SLCO1B3: variants seen among roughly 807,000 people sequenced by gnomAD.
SLCO1B3 encodes solute carrier organic anion transporter family member 1B3, also known as liver-specific organic anion transporter 2.
In SLCO1B3, 72 loss-of-function variants were observed where a neutral mutation model predicts 71.8. That is an observed-to-expected ratio of 1.00 (90% confidence interval 0.83 to 1.22). SLCO1B3 has a LOEUF of 1.22. Ranked by LOEUF, SLCO1B3 falls within the 50% of genes most tolerant of loss-of-function variation. The probability of loss-of-function intolerance (pLI) is 0.00; values close to 1 mark genes in which losing one functional copy is unlikely to be tolerated. For missense variants in SLCO1B3, 911 were observed against 819.7 expected, an observed-to-expected ratio of 1.11 and a Z score of -1.36; for synonymous variants, 298 against 278.4, an observed-to-expected ratio of 1.07 and a Z score of -0.70.
intron 8 of SLCO1B3, among the ~76,000 whole-genome samples, chr12:20,868,465 A>C (rs546185339): frequency 6.6e-6 from 1 of 152,106 alleles, no homozygotes; most frequent in East Asian, 1.9e-4. Context: ...TTTTATACCC[A>C]TTGACTGGGA....
chr12:20,855,097 A>C lies in SLCO1B3; in HGVS notation c.154A>C (p.Ile52Leu). Reference sequence around the variant, plus strand: ...AGGTGGAATCATTATGAAAATTTCCATCACTCAAATAGAAAGGAGATTTGA... The same window carrying C: ...AGGTGGAATCATTATGAAAATTTCCCTCACTCAAATAGAAAGGAGATTTGA... ...ALGGIIMKIS[I>L]TQIERRFDIS... Residue 52 changes from isoleucine (I) to leucine (L), a missense_variant, in exon 4 of 16, where the codon ATC becomes CTC. Coordinates refer to ENST00000381545, the MANE Select transcript of SLCO1B3 (RefSeq NM_019844.4). 6.2e-7 allele frequency: 1 copy of C among 1,612,072 alleles called. No homozygotes were observed. The highest frequency in any genetic ancestry group is 1.1e-5 in the South Asian group (1 of 90,998).
intron 4 of SLCO1B3, among the ~76,000 whole-genome samples, chr12:20,858,106 A>G (rs1016008845): frequency 2.6e-5 from 4 of 152,096 alleles, no homozygotes; most frequent in Non-Finnish European, 5.9e-5. Flanking sequence ...TAAAATATGC[A>G]TGAATGATTA....
chr12:20,899,459 T>G (rs1217391524), intron 14 of SLCO1B3, among the ~76,000 whole-genome samples: 1 of 152,158 alleles, frequency 6.6e-6, no homozygotes, highest in Non-Finnish European at 1.5e-5. Context: ...AGTATAACTC[T>G]ATGGCCAAAT....
rs376673811 is a variant in SLCO1B3, at chr12:20,815,789, G to A, written c.51G>A (p.Glu17=). Residue 17 remains glutamate (E), a synonymous_variant, in exon 3 of 16, where the codon GAG becomes GAA. Transcript: ENST00000381545. ...AAACAGCAGAGTCAGCATCTTCAGA[G>A]AAAAAGAAAACAAGACGCTGCAATG... ...LNKTAESASS[E]KKKTRRCNGF... is the part of the protein sequence containing the mutation. 1 of 1,598,158 alleles carries A rather than the reference G, an allele frequency of 6.3e-7. No homozygotes were observed. The highest frequency in any genetic ancestry group is 8.5e-7 in the Non-Finnish European group (1 of 1,171,408).
At chr12:20,915,448 C>G (rs183177476) in intron 15 of SLCO1B3, among the ~76,000 whole-genome samples, 6 of 152,226 alleles carry the variant, frequency 3.9e-5, no homozygotes, top group African/African-American at 1.4e-4. Context: ...CTGATATTCC[C>G]TGACATATCT....
At chr12:20,908,937 T>C (rs1170576630) in intron 15 of SLCO1B3, among the ~76,000 whole-genome samples, 1 of 152,160 alleles carries the variant, frequency 6.6e-6, no homozygotes, top group African/African-American at 2.4e-5. Flanking sequence ...GATAAAAATA[T>C]GTATAGTTTT....
chr12:20,821,159 G>C (rs948899782), intron 3 of SLCO1B3, among the ~76,000 whole-genome samples: 2 of 152,022 alleles, frequency 1.3e-5, no homozygotes, highest in African/African-American at 4.8e-5. Context: ...GAAGATTTGG[G>C]ATGAATTGCA....
intron 13 of SLCO1B3, among the ~76,000 whole-genome samples, chr12:20,887,201 A>G (rs1865807527): frequency 6.6e-6 from 1 of 152,034 alleles, no homozygotes; most frequent in Admixed American, 6.6e-5. Flanking sequence ...TGTCTTTTTA[A>G]TAAAATGATT....
In SLCO1B3 at chr12:20,814,868, G is replaced by A. The variant is rs1464324076; in HGVS notation, c.-65-806G>A. The stretch of plus-strand genomic sequence containing the variant: ...GCCGAGATCACGCTACTGCCCTCCA[G>A]CCCGGGAGACAGAGCAAGACTCCGT... On this transcript the variant is annotated intron_variant, in intron 2 of 15. Transcript: ENST00000381545. 3.4e-5 allele frequency among the ~76,000 whole-genome samples: 5 copies of A among 147,232 alleles called. No homozygotes were observed. The East Asian group carries it at 1.0e-3, about 30-fold the overall frequency.
chr12:20,836,866 C>T (rs1456677520), intron 3 of SLCO1B3, among the ~76,000 whole-genome samples: 1 of 152,190 alleles, frequency 6.6e-6, no homozygotes. Flanking sequence ...TGGTCTCGAT[C>T]TCCTGACCTC....
intron 3 of SLCO1B3, among the ~76,000 whole-genome samples, chr12:20,817,987 A>G (rs113181910): frequency 0.015 from 2,218 of 152,238 alleles, 61 homozygotes; most frequent in African/African-American, 0.051. Context: ...CAGTGTAAAC[A>G]AGAGCAGGGC....
chr12:20,832,472 T>G (rs982041871), intron 3 of SLCO1B3, among the ~76,000 whole-genome samples: 1 of 150,716 alleles, frequency 6.6e-6, no homozygotes, highest in African/African-American at 2.5e-5. Context: ...AATGAAAATC[T>G]TTAACAACAA....
chr12:20,868,818 G>A (rs887830758), intron 8 of SLCO1B3, among the ~76,000 whole-genome samples: 4 of 152,238 alleles, frequency 2.6e-5, no homozygotes, highest in Admixed American at 2.6e-4. Flanking sequence ...TGATAGGTAA[G>A]GTCACGTGGA....
intron 4 of SLCO1B3, among the ~76,000 whole-genome samples, chr12:20,858,059 T>C (rs1865176651): frequency 6.6e-6 from 1 of 152,098 alleles, no homozygotes; most frequent in African/African-American, 2.4e-5. Context: ...CTGTGGTAGG[T>C]ACATAGTATA....
intron 3 of SLCO1B3, among the ~76,000 whole-genome samples, chr12:20,823,634 C>T (rs1041675470): frequency 6.6e-6 from 1 of 152,138 alleles, no homozygotes; most frequent in Non-Finnish European, 1.5e-5. Flanking sequence ...GGAGCTCTCT[C>T]TCTTTTTGTG....
intron 1 of SLCO1B3, among the ~76,000 whole-genome samples, chr12:20,811,204 A>C (rs1864105452): frequency 6.6e-6 from 1 of 152,114 alleles, no homozygotes; most frequent in Non-Finnish European, 1.5e-5. Flanking sequence ...GGGGTGGAAA[A>C]TATGTTTCAA....
intron 4 of SLCO1B3, among the ~76,000 whole-genome samples, chr12:20,856,704 C>T (rs1312026949): frequency 6.6e-6 from 1 of 152,150 alleles, no homozygotes; most frequent in African/African-American, 2.4e-5. Flanking sequence ...GGATTAGAGG[C>T]GTGTGCCACC....
chr12:20,890,589 G>T (rs1458957424), intron 13 of SLCO1B3, among the ~76,000 whole-genome samples: 2 of 152,180 alleles, frequency 1.3e-5, no homozygotes, highest in Non-Finnish European at 2.9e-5. Flanking sequence ...TGGCTGCCAT[G>T]ATCTGCCTAG....
At chr12:20,837,971 T>G (rs1864717500) in intron 3 of SLCO1B3, among the ~76,000 whole-genome samples, 1 of 152,074 alleles carries the variant, frequency 6.6e-6, no homozygotes, top group African/African-American at 2.4e-5. Context: ...TCCTTGCAGT[T>G]CTACCAGTTT....
Sources: gnomAD v4.1 joint callset for allele counts (sites outside exome capture counted in the v4.1 genomes callset) on GRCh38, gnomAD v4.1.1 for gene constraint, MANE v1.5 for transcripts, NCBI Gene and HGNC (gene_info 2026-07-23, HGNC 2026-07-21) for gene names.